PAK5: variants seen among roughly 807,000 people sequenced by gnomAD.
PAK5 encodes the protein p21 (RAC1) activated kinase 5.
Under a neutral mutation model 65.9 loss-of-function variants are expected in PAK5, and 16 were observed. The ratio of observed to expected loss-of-function variants is 0.24; its 90% CI spans 0.16 to 0.37. The LOEUF (loss-of-function observed/expected upper bound fraction) is 0.37. Ranked by LOEUF, PAK5 falls within the 10% of genes least tolerant of loss-of-function variation. The pLI, the probability that PAK5 is intolerant of heterozygous loss-of-function variation, is 1.00. For synonymous variants in PAK5, 371 were observed against 354.9 expected (o/e 1.05, Z -0.51); for missense variants, 785 against 903.9 (o/e 0.87, Z 1.69).
intron 3 of PAK5, among the ~76,000 whole-genome samples, chr20:9,625,400 T>C (rs2046830245): frequency 6.6e-6 from 1 of 152,218 alleles, no homozygotes; most frequent in Admixed American, 6.5e-5. Context: ...TACAACGCTG[T>C]GCCAAGAAGC....
At chr20:9,701,178 A>G (rs548658193) in intron 2 of PAK5, among the ~76,000 whole-genome samples, 4 of 152,282 alleles carry the variant, frequency 2.6e-5, no homozygotes, top group South Asian at 2.1e-4. Context: ...CTCTCTATAT[A>G]TATAGAGATA....
At chr20:9,626,050 G>C (rs1214077300) in intron 3 of PAK5, among the ~76,000 whole-genome samples, 1 of 152,042 alleles carries the variant, frequency 6.6e-6, no homozygotes, top group African/African-American at 2.4e-5. Context: ...AATAACTATG[G>C]GTAGTAATTG....
chr20:9,742,501 C>T (rs546860841), intron 1 of PAK5, among the ~76,000 whole-genome samples: 6 of 152,312 alleles, frequency 3.9e-5, no homozygotes, highest in Admixed American at 6.5e-5. Context: ...TGATCACTCT[C>T]TTAGCTGAAG....
chr20:9,751,009 C>T (rs1600325914), intron 1 of PAK5, among the ~76,000 whole-genome samples: 1 of 152,144 alleles, frequency 6.6e-6, no homozygotes, highest in East Asian at 1.9e-4. Context: ...AAAACAAGTT[C>T]TCCCAGCTAG....
rs569041359 is a variant in PAK5, at chr20:9,607,558, G to A, written c.205-26628C>T. ...GCTGTGTAGAAAACGCAGGCATGGC[G>A]GCTCACACCTGTAATCCCAGCACTT... On this transcript the variant is annotated intron_variant, in intron 3 of 9. Transcript: ENST00000353224. 2.2e-3 allele frequency among the ~76,000 whole-genome samples: 329 copies of A among 152,242 alleles called. 1 individual carries two copies. Among genetic ancestry groups the A allele is most frequent in the Non-Finnish European group, 3.1e-3 (214 of 68,010 alleles).
intron 7 of PAK5, among the ~76,000 whole-genome samples, chr20:9,554,429 A>G (rs1490059531): frequency 3.3e-5 from 5 of 152,232 alleles, no homozygotes. Context: ...AGCTCCAGCT[A>G]GCCTGCCTGG....
At chr20:9,691,721 C>T (rs2047800247) in intron 2 of PAK5, among the ~76,000 whole-genome samples, 3 of 152,128 alleles carry the variant, frequency 2.0e-5, no homozygotes, top group Non-Finnish European at 4.4e-5. Context: ...AAATGTACTC[C>T]AATAAAAGTC....
chr20:9,786,663 A>AGGGG (rs1228436379), intron 1 of PAK5, among the ~76,000 whole-genome samples: 37 of 152,184 alleles, frequency 2.4e-4, no homozygotes, highest in African/African-American at 8.7e-4. Context: ...CGTTATTTAA[A>AGGGG]TATACTCTAA....
chr20:9,809,836 T>C (rs966163855), intron 1 of PAK5, among the ~76,000 whole-genome samples: 2 of 152,194 alleles, frequency 1.3e-5, no homozygotes, highest in African/African-American at 4.8e-5. Context: ...AGAATACTAC[T>C]TGAATGGCTG....
intron 1 of PAK5, among the ~76,000 whole-genome samples, chr20:9,789,583 AC>A (rs2049027968): frequency 6.6e-6 from 1 of 152,146 alleles, no homozygotes; most frequent in African/African-American, 2.4e-5. Context: ...CCTCAAGAGC[AC>A]TACAAGCTAG....
At chr20:9,593,137 TC>T (rs1310388883) in intron 3 of PAK5, among the ~76,000 whole-genome samples, 1 of 151,614 alleles carries the variant, frequency 6.6e-6, no homozygotes, top group African/African-American at 2.4e-5. Context: ...CCTTTTTTTT[TC>T]TACAAAGAAA....
intron 1 of PAK5, among the ~76,000 whole-genome samples, chr20:9,756,698 G>A (rs73895984): frequency 0.012 from 1,827 of 152,060 alleles, 39 homozygotes; most frequent in African/African-American, 0.042. Context: ...TTTTTACATC[G>A]TAATTGGCTC....
At chr20:9,675,582 A>C (rs1337723749) in intron 2 of PAK5, among the ~76,000 whole-genome samples, 1 of 152,140 alleles carries the variant, frequency 6.6e-6, no homozygotes, top group Admixed American at 6.5e-5. Context: ...GGCTCAAGCA[A>C]TCTTCACACT....
chr20:9,703,963 C>T (rs934819815), intron 2 of PAK5, among the ~76,000 whole-genome samples: 3 of 152,170 alleles, frequency 2.0e-5, no homozygotes, highest in African/African-American at 7.2e-5. Context: ...GAGATTCCTA[C>T]ATAACTGTTG....
intron 3 of PAK5, 111 bp from the exon 4 acceptor site, chr20:9,581,041 C>T: frequency 2.7e-6 from 2 of 728,824 alleles, no homozygotes; most frequent in Admixed American, 2.6e-5. Flanking sequence ...AAAAAAGACC[C>T]CGGGAACACT....
intron 3 of PAK5, among the ~76,000 whole-genome samples, chr20:9,641,766 G>C (rs1401870754): frequency 2.6e-5 from 4 of 152,122 alleles, no homozygotes; most frequent in African/African-American, 2.4e-5. Flanking sequence ...GCGAGAAATC[G>C]AGCACAGCGC....
At position 9,540,244 on chromosome 20, in the gene PAK5, C is replaced by T. The variant is rs187200828; in HGVS notation, c.2005-627G>A. Among the ~76,000 whole-genome samples, 23 of 152,168 alleles carry T rather than the reference C, an allele frequency of 1.5e-4. No individual in the cohort carries two copies. In the East Asian group the frequency reaches 2.1e-3, roughly 14 times the overall value. On this transcript the variant is annotated intron_variant, in intron 9 of 9. Transcript: ENST00000353224. ...AGCATGTGCCAGCATGCCCAGGTTC[C>T]GCTGCACAAATACTAAGAGTGTGGC...
At chr20:9,790,540 C>G (rs567508766) in intron 1 of PAK5, among the ~76,000 whole-genome samples, 172 of 152,216 alleles carry the variant, frequency 1.1e-3, no homozygotes, top group Non-Finnish European at 2.2e-3. Context: ...GGGTCTAACT[C>G]TGTTGACCAG....
At chr20:9,560,153 T>C (rs2045570675) in intron 6 of PAK5, among the ~76,000 whole-genome samples, 1 of 152,220 alleles carries the variant, frequency 6.6e-6, no homozygotes, top group African/African-American at 2.4e-5. Context: ...AGAAAGATCC[T>C]ATTTGACTGG....
Sources: allele counts gnomAD v4.1 joint callset (sites outside exome capture counted in the v4.1 genomes callset), GRCh38; gene constraint gnomAD v4.1.1; transcripts MANE v1.5; gene names NCBI Gene and HGNC (gene_info 2026-07-23, HGNC 2026-07-21).